Variants in DPP6 observed in about 807,000 individuals in gnomAD.
DPP6 encodes A-type potassium channel modulatory protein DPP6.
A neutral mutation model predicts 122.6 loss-of-function variants in DPP6; 69 were observed. The ratio of observed to expected loss-of-function variants is 0.56; its 90% CI spans 0.46 to 0.69. DPP6 has a LOEUF of 0.69. Ranked by LOEUF, DPP6 falls within the 30% of genes least tolerant of loss-of-function variation. The pLI, the probability that DPP6 is intolerant of heterozygous loss-of-function variation, is 0.00. For missense variants in DPP6, 928 were observed against 1,116.9 expected (o/e 0.83, Z 2.41); for synonymous variants, 418 against 433.1 (o/e 0.97, Z 0.43).
At chr7:154,555,606 T>TA (rs1829978080) in intron 4 of DPP6, among the ~76,000 whole-genome samples, 2 of 151,896 alleles carry the variant, frequency 1.3e-5, no homozygotes, top group South Asian at 4.2e-4. Flanking sequence ...CCCTAAAACT[T>TA]AAAGTATAAT....
intron 23 of DPP6, among the ~76,000 whole-genome samples, chr7:154,888,278 G>A (rs574955431): frequency 4.6e-5 from 7 of 152,094 alleles, no homozygotes; most frequent in South Asian, 2.1e-4. Flanking sequence ...CAGTAGAGAC[G>A]GGGTTTCACC....
At chr7:153,762,616 CAA>C in the DPP6 span, among the ~76,000 whole-genome samples, 21 of 137,848 alleles carry the variant, frequency 1.5e-4, no homozygotes, top group African/African-American at 3.2e-4. Flanking sequence ...ACTAAAAATA[CAA>C]AAAAAAAAAA....
intron 1 of DPP6, among the ~76,000 whole-genome samples, chr7:154,320,137 C>T (rs542305815): frequency 6.6e-6 from 1 of 151,846 alleles, no homozygotes; most frequent in South Asian, 2.1e-4. Flanking sequence ...AATCTAATAT[C>T]TCAAAAATCT....
chr7:154,830,936 C>T (rs921139369), intron 16 of DPP6, among the ~76,000 whole-genome samples: 31 of 152,312 alleles, frequency 2.0e-4, no homozygotes, highest in Admixed American at 1.2e-3. Context: ...TATTGCTGGA[C>T]AGCCACAGAA....
chr7:154,274,219 T>C (rs1803982523), intron 1 of DPP6, among the ~76,000 whole-genome samples: 1 of 152,224 alleles, frequency 6.6e-6, no homozygotes, highest in African/African-American at 2.4e-5. Flanking sequence ...CTGTTCCTTC[T>C]TTTATCCAAG....
chr7:154,114,667 A>G (rs1323043001), intron 1 of DPP6, among the ~76,000 whole-genome samples: 2 of 152,192 alleles, frequency 1.3e-5, no homozygotes, highest in South Asian at 2.1e-4. Context: ...GCACCCAGCA[A>G]CAGGTATAGA....
intron 1 of DPP6, among the ~76,000 whole-genome samples, chr7:154,278,664 G>A (rs1804293752): frequency 6.6e-6 from 1 of 152,208 alleles, no homozygotes; most frequent in Admixed American, 6.5e-5. Flanking sequence ...GGAGTTTTAT[G>A]CTTGCTCTAG....
chr7:154,847,664 G>A (rs773257162), intron 16 of DPP6, among the ~76,000 whole-genome samples: 61 of 152,060 alleles, frequency 4.0e-4, no homozygotes, highest in Non-Finnish European at 6.9e-4. Context: ...CATTCTTTGT[G>A]GTGAAAACAT....
chr7:154,134,966 T>G (rs1476712179), intron 1 of DPP6, among the ~76,000 whole-genome samples: 2 of 152,238 alleles, frequency 1.3e-5, no homozygotes, highest in Non-Finnish European at 2.9e-5. Flanking sequence ...GTACACTTCC[T>G]GTGAGCACAC....
chr7:154,166,296 G>A (rs1797243434), intron 1 of DPP6, among the ~76,000 whole-genome samples: 1 of 152,148 alleles, frequency 6.6e-6, no homozygotes. Context: ...TGACGTTCTT[G>A]GGGAGGGAGG....
chr7:154,146,821 C>T (rs1432272753), intron 1 of DPP6, among the ~76,000 whole-genome samples: 2 of 147,754 alleles, frequency 1.4e-5, no homozygotes, highest in Non-Finnish European at 2.9e-5. Context: ...GCGCGGCTGC[C>T]AGGCAGGGCC....
At chr7:154,670,005 G>T (rs35955282) in intron 7 of DPP6, among the ~76,000 whole-genome samples, 2 of 151,950 alleles carry the variant, frequency 1.3e-5, no homozygotes, top group African/African-American at 2.4e-5. Context: ...GATCACAGGC[G>T]TACTCCACCA....
At chr7:154,471,483 C>G (rs1391950780) in intron 2 of DPP6, among the ~76,000 whole-genome samples, 1 of 152,152 alleles carries the variant, frequency 6.6e-6, no homozygotes, top group East Asian at 1.9e-4. Context: ...CATGGAGTCC[C>G]TGCCTGAAAA....
chr7:154,841,146 C>T (rs983544637), intron 16 of DPP6, among the ~76,000 whole-genome samples: 15 of 152,102 alleles, frequency 9.9e-5, no homozygotes, highest in African/African-American at 2.9e-4. Flanking sequence ...AATCTGAGGG[C>T]GAGGGTCATA....
chr7:153,978,852 G>A (rs1425711763), intron 1 of DPP6, among the ~76,000 whole-genome samples: 4 of 151,942 alleles, frequency 2.6e-5, no homozygotes, highest in African/African-American at 7.3e-5. Flanking sequence ...AAGATCAGAT[G>A]GTTGTAGTTG....
chr7:154,455,316 G>T (rs956863031), intron 2 of DPP6, among the ~76,000 whole-genome samples: 1 of 152,152 alleles, frequency 6.6e-6, no homozygotes, highest in African/African-American at 2.4e-5. Flanking sequence ...CCATTTGTAG[G>T]AGTCAGGCTC....
chr7:154,333,018 A>G (rs6464406), intron 1 of DPP6, among the ~76,000 whole-genome samples: 101,432 of 152,076 alleles, frequency 0.67, 33,904 homozygotes, highest in East Asian at 0.75. Context: ...GTAGGAGGAA[A>G]TGCCTGTGAT....
chr7:153,895,183 A>T (rs1311358453), intron 1 of DPP6, among the ~76,000 whole-genome samples: 1 of 152,098 alleles, frequency 6.6e-6, no homozygotes, highest in Non-Finnish European at 1.5e-5. Context: ...ATACTCTATT[A>T]TGTGTCTGAG....
At chr7:153,942,750 C>G (rs1161828691) in intron 1 of DPP6, among the ~76,000 whole-genome samples, 1 of 152,228 alleles carries the variant, frequency 6.6e-6, no homozygotes, top group Non-Finnish European at 1.5e-5. Context: ...GGCCGCCCCA[C>G]ACTCTGTTCA....
Sources: gnomAD v4.1 joint callset for allele counts (sites outside exome capture counted in the v4.1 genomes callset) on GRCh38, gnomAD v4.1.1 for gene constraint, MANE v1.5 for transcripts, NCBI Gene and HGNC (gene_info 2026-07-23, HGNC 2026-07-21) for gene names.